The following MICU3 variants were observed in gnomAD, a reference collection of about 807,000 sequenced individuals.
MICU3 encodes the protein calcium uptake protein 3, mitochondrial.
MICU3 carries 62 observed loss-of-function variants against 66.5 expected under a neutral mutation model. That is an observed-to-expected ratio of 0.93 (90% CI 0.76 to 1.15). The LOEUF is 1.15. MICU3 is among the 50% of genes most tolerant of loss of function. MICU3 has a pLI of 0.00. For synonymous variants in MICU3, 308 were observed against 240.7 expected, an observed-to-expected ratio of 1.28 and a Z score of -2.59; for missense variants, 779 against 664.4, an observed-to-expected ratio of 1.17 and a Z score of -1.90.
At chr8:17,137,513 CTTT>C in the MICU3 span, among the ~76,000 whole-genome samples, 10 of 118,966 alleles carry the variant, frequency 8.4e-5, no homozygotes, top group African/African-American at 3.2e-4. Flanking sequence ...CTATTTCCTG[CTTT>C]TTTTTAAAAA....
chr8:17,094,419 C>T (rs867895456), intron 8 of MICU3, among the ~76,000 whole-genome samples: 4 of 151,906 alleles, frequency 2.6e-5, no homozygotes, highest in Admixed American at 2.0e-4. Context: ...TTTAAAAACT[C>T]ATATGTTAAC....
Position 17,033,980 on chromosome 8 carries a change from A to T in MICU3, c.381+6320A>T, listed in dbSNP as rs78001936. On this transcript the variant is annotated intron_variant, in intron 1 of 14. Coordinates refer to ENST00000318063, the MANE Select transcript of MICU3 (RefSeq NM_181723.3). Reference sequence around the variant, plus strand: ...TTCAATAGAGATGAAACAGCCTGTTAGTGCAAAAGGCTGCCGTCTAGGACT... The same window carrying T: ...TTCAATAGAGATGAAACAGCCTGTTTGTGCAAAAGGCTGCCGTCTAGGACT... Among the ~76,000 whole-genome samples the T allele has an allele frequency of 0.02, 3,064 of 152,292 alleles. 162 individuals are homozygous for T. The East Asian group carries it at 0.22, about 11-fold the overall frequency.
chr8:17,058,097 G>T (rs1168516575), intron 1 of MICU3, among the ~76,000 whole-genome samples: 1 of 152,038 alleles, frequency 6.6e-6, no homozygotes, highest in Non-Finnish European at 1.5e-5. Flanking sequence ...TGATCCACCC[G>T]CCTCGGCCTC....
At chr8:17,099,415 A>G (rs1801062176) in intron 9 of MICU3, among the ~76,000 whole-genome samples, 1 of 151,800 alleles carries the variant, frequency 6.6e-6, no homozygotes, top group African/African-American at 2.4e-5. Context: ...GGAGAAGTAA[A>G]CTGGAATCAG....
chr8:17,053,946 G>A (rs561437823), intron 1 of MICU3, among the ~76,000 whole-genome samples: 5 of 152,224 alleles, frequency 3.3e-5, no homozygotes, highest in East Asian at 1.9e-4. Context: ...TTTAGCTCTC[G>A]ATTTCTGTGA....
At chr8:17,082,714 C>G (rs1821382987) in intron 5 of MICU3, among the ~76,000 whole-genome samples, 1 of 152,024 alleles carries the variant, frequency 6.6e-6, no homozygotes, top group African/African-American at 2.4e-5. Flanking sequence ...TGCATGGAAA[C>G]AAGAACATCA....
At chr8:17,127,297 A>G (rs1803429754), downstream of MICU3, among the ~76,000 whole-genome samples, 1 of 152,216 alleles carries the variant, frequency 6.6e-6, no homozygotes, top group African/African-American at 2.4e-5. Flanking sequence ...GTAATATTTA[A>G]TTACAGTGAG....
chr8:17,135,357 C>T, the MICU3 span, among the ~76,000 whole-genome samples: 2 of 151,274 alleles, frequency 1.3e-5, no homozygotes, highest in Non-Finnish European at 2.9e-5. Flanking sequence ...GAGATTGCGC[C>T]ACTGCACTCC....
chr8:17,059,494 A>G (rs538668719), intron 1 of MICU3, among the ~76,000 whole-genome samples: 1 of 152,328 alleles, frequency 6.6e-6, no homozygotes, highest in East Asian at 1.9e-4. Context: ...CATCATTTTT[A>G]TAGACCTACC....
chr8:17,040,556 C>T (rs62503722), intron 1 of MICU3, among the ~76,000 whole-genome samples: 15,477 of 152,066 alleles, frequency 0.1, 856 homozygotes, highest in South Asian at 0.22. Flanking sequence ...GTAGCTTTAG[C>T]AGTAATGGTG....
intron 6 of MICU3, 144 bp downstream of exon 6, chr8:17,085,462 C>A: frequency 2.0e-6 from 1 of 503,088 alleles, no homozygotes; most frequent in Non-Finnish European, 3.6e-6. Context: ...GTATAATACT[C>A]AGGTACTTTG....
At chr8:17,094,190 C>T (rs185895886) in intron 8 of MICU3, among the ~76,000 whole-genome samples, 6 of 151,952 alleles carry the variant, frequency 3.9e-5, no homozygotes, top group African/African-American at 7.2e-5. Flanking sequence ...TTGGACCCAA[C>T]GTCATGATTG....
At chr8:17,065,742 G>A (rs567435034) in intron 2 of MICU3, among the ~76,000 whole-genome samples, 2 of 152,256 alleles carry the variant, frequency 1.3e-5, no homozygotes, top group South Asian at 4.1e-4. Flanking sequence ...TGATGTTTCA[G>A]TGGAGTCATT....
At chr8:17,104,331 G>T in intron 9 of MICU3, 60 bp from the exon 10 acceptor site, 6 of 703,480 alleles carry the variant, frequency 8.5e-6, no homozygotes, top group Non-Finnish European at 1.3e-5. Flanking sequence ...AGAAATATTG[G>T]GTATCCCTAT....
At chr8:17,063,954 T>G (rs1818275342) in intron 1 of MICU3, 130 bp from the exon 2 acceptor site, 1 of 534,188 alleles carries the variant, frequency 1.9e-6, no homozygotes, top group Non-Finnish European at 3.2e-6. Flanking sequence ...GTGATTAACG[T>G]TTTTCAGAAG....
At chr8:17,110,334 T>C (rs1347700625) in intron 11 of MICU3, among the ~76,000 whole-genome samples, 2 of 152,180 alleles carry the variant, frequency 1.3e-5, no homozygotes, top group Non-Finnish European at 1.5e-5. Context: ...ATTCACAATA[T>C]TGTGCAACTG....
intron 1 of MICU3, among the ~76,000 whole-genome samples, chr8:17,028,258 C>T (rs1811387344): frequency 6.6e-6 from 1 of 152,034 alleles, no homozygotes; most frequent in African/African-American, 2.4e-5. Context: ...TTTTTCCTTC[C>T]CCCACTAAAG....
chr8:17,106,363 CTT>C (rs899932421), intron 11 of MICU3, among the ~76,000 whole-genome samples: 1 of 151,012 alleles, frequency 6.6e-6, no homozygotes, highest in Non-Finnish European at 1.5e-5. Flanking sequence ...AAAAAAAAGA[CTT>C]CATGCATTTG....
At chr8:17,135,277 T>C in the MICU3 span, among the ~76,000 whole-genome samples, 4 of 151,782 alleles carry the variant, frequency 2.6e-5, no homozygotes, top group Non-Finnish European at 4.4e-5. Context: ...TGGGCAGGAG[T>C]AGTCCCGCTA....
Sources: allele counts gnomAD v4.1 joint callset (sites outside exome capture counted in the v4.1 genomes callset), GRCh38; gene constraint gnomAD v4.1.1; transcripts MANE v1.5; gene names NCBI Gene and HGNC (gene_info 2026-07-23, HGNC 2026-07-21).